NEK4: variants seen among roughly 807,000 people sequenced by gnomAD.
The protein encoded by NEK4 is serine/threonine-protein kinase Nek4.
A neutral mutation model predicts 98.4 loss-of-function variants in NEK4; 86 were observed. That is an observed-to-expected ratio of 0.87 (90% confidence interval 0.73 to 1.05). The LOEUF (loss-of-function observed/expected upper bound fraction) is 1.05, where lower values mean the gene tolerates loss of function less well. NEK4 is among the 50% of genes least tolerant of loss of function. The pLI is 0.00. For missense variants in NEK4, 898 were observed against 950.3 expected (o/e 0.94, Z 0.72); for synonymous variants, 328 against 342.2 (o/e 0.96, Z 0.46).
At chr3:52,730,275 G>T (rs2097368359) in intron 15 of NEK4, among the ~76,000 whole-genome samples, 1 of 152,150 alleles carries the variant, frequency 6.6e-6, no homozygotes, top group Non-Finnish European at 1.5e-5. Context: ...ACTAGTGTAA[G>T]GAGAATGAAT....
chr3:52,758,284 G>C lies in NEK4; in HGVS notation c.963+2511C>G, dbSNP rs564763314. On this transcript the variant is annotated intron_variant, in intron 6 of 15. Coordinates refer to ENST00000233027, the MANE Select transcript of NEK4 (RefSeq NM_003157.6). ...GGGGAGATACTGTTTAATGGTAACA[G>C]AGTTCAGTTTTACAATATGAGAGTT... 3.3e-5 allele frequency among the ~76,000 whole-genome samples: 5 copies of C among 151,710 alleles called. No individual in the cohort carries two copies. In the South Asian group the frequency reaches 1.0e-3, roughly 32 times the overall value.
intron 15 of NEK4, among the ~76,000 whole-genome samples, chr3:52,736,455 G>A (rs1385412751): frequency 1.3e-5 from 2 of 151,960 alleles, no homozygotes; most frequent in African/African-American, 2.4e-5. Context: ...GCGTGGTGGT[G>A]GGCACCTGTA....
chr3:52,733,349 G>T, intron 15 of NEK4: 1 of 370,848 alleles, frequency 2.7e-6, no homozygotes. Context: ...AATTCATCCT[G>T]GAGAGAGGCC....
At chr3:52,742,411 G>A (rs900844799) in intron 12 of NEK4, among the ~76,000 whole-genome samples, 4 of 151,956 alleles carry the variant, frequency 2.6e-5, no homozygotes, top group Non-Finnish European at 5.9e-5. Context: ...GTGCTTTAAA[G>A]GATCACCTAA....
At position 52,714,826 on chromosome 3, in the gene NEK4, C is replaced by T. The variant is rs528332880; in HGVS notation, c.2434-2957G>A. 3.3e-5 allele frequency among the ~76,000 whole-genome samples: 5 copies of T among 152,340 alleles called. No individual in the cohort carries two copies. The South Asian group carries it at 6.2e-4, about 19-fold the overall frequency. On this transcript the variant is annotated intron_variant, in intron 15 of 15. Coordinates refer to ENST00000233027, the MANE Select transcript of NEK4 (RefSeq NM_003157.6). ...CCCACCCCCAGCTCCAATCTCAGAG[C>T]GGGGTAAGCCCAGGCGCGGTCAAAG...
rs1376395270 is a variant in NEK4 at position 52,710,127 on chromosome 3, C to A, written c.*1650G>T. 1 of 152,136 alleles carries A rather than the reference C, an allele frequency of 6.6e-6. No homozygotes were observed. The highest frequency in any genetic ancestry group is 1.5e-5 in the Non-Finnish European group (1 of 68,060). The allele number at this position is 152,136 out of a possible 1,614,324, so 9.4% of individuals were successfully genotyped here. A position where few individuals can be genotyped will look rare whatever the true frequency, so the allele number is the denominator to read the frequency against. On this transcript the variant is annotated 3_prime_UTR_variant, in exon 16 of 16. Transcript: ENST00000233027. ...CCTGTAATCCCAGCACTTTGGGAGG[C>A]CGAGGCGGGCAGATCACGAGGTCAG...
chr3:52,754,335 C>T (rs1229308661), intron 6 of NEK4: 1 of 376,064 alleles, frequency 2.7e-6, no homozygotes, highest in African/African-American at 2.1e-5. Context: ...GGAATCATAA[C>T]CAAATTTGGC....
chr3:52,717,209 C>A (rs929222259), intron 15 of NEK4, among the ~76,000 whole-genome samples: 1 of 151,854 alleles, frequency 6.6e-6, no homozygotes, highest in Non-Finnish European at 1.5e-5. Flanking sequence ...GAGTTTGAGA[C>A]CCAGCCTGGC....
At chr3:52,766,100 C>A (rs1336677554) in intron 3 of NEK4, 78 bp downstream of exon 3, 5 of 1,472,128 alleles carry the variant, frequency 3.4e-6, no homozygotes, top group Admixed American at 1.9e-5. Context: ...ATAGATAATT[C>A]TCTGACTTAA....
At position 52,715,553 on chromosome 3, in the gene NEK4, A is replaced by AT. The variant is rs1052632872; in HGVS notation, c.2434-3685dup. Among the ~76,000 whole-genome samples, 58 of 151,944 alleles carry AT rather than the reference A, an allele frequency of 3.8e-4. 1 individual carries two copies. Among genetic ancestry groups the AT allele is most frequent in the Admixed American group, 3.7e-3 (57 of 15,258 alleles). On this transcript the variant is annotated intron_variant, in intron 15 of 15. Coordinates refer to ENST00000233027, the MANE Select transcript of NEK4 (RefSeq NM_003157.6). ...AGGCACATGCCATCAGGCCCAGCTA[A>AT]TTTTTTTTGGTATTTTTAGTAGAGA...
At chr3:52,732,590 G>A (rs2268027) in intron 15 of NEK4, 105,883 of 292,552 alleles carry the variant, frequency 0.36, 20,969 homozygotes, top group Admixed American at 0.5. Context: ...CTTACTCAGC[G>A]TCACTTGACA....
At chr3:52,746,605 T>C (rs903104324) in intron 9 of NEK4, 129 bp downstream of exon 9, 2 of 786,808 alleles carry the variant, frequency 2.5e-6, no homozygotes, top group Non-Finnish European at 4.1e-6. Flanking sequence ...ATTTAGCATC[T>C]TGCCATTGTC....
At chr3:52,730,403 G>A (rs1453730115) in intron 15 of NEK4, among the ~76,000 whole-genome samples, 3 of 152,212 alleles carry the variant, frequency 2.0e-5, no homozygotes, top group Non-Finnish European at 4.4e-5. Context: ...CCAGAGAGTT[G>A]AGGAGGAAGG....
rs770471528 is a variant in NEK4, at chr3:52,737,536, TA to T, written c.2433+49del. On this transcript the variant is annotated intron_variant, in intron 15 of 15. Transcript: ENST00000233027. ...GTGATTTATATTTCAAAAGGTTGTT[TA>T]AAAAATTCTATAACATAAGCATCTT... is the stretch of plus-strand genomic sequence containing the variant. 18 of 1,596,180 alleles carry T rather than the reference TA, an allele frequency of 1.1e-5. No homozygotes were observed. In the South Asian group the frequency reaches 1.4e-4, roughly 13 times the overall value.
At chr3:52,721,162 A>G (rs769495502) in intron 15 of NEK4, among the ~76,000 whole-genome samples, 29 of 152,340 alleles carry the variant, frequency 1.9e-4, no homozygotes, top group Non-Finnish European at 4.0e-4. Context: ...AGCAGCTTGC[A>G]TGCTGCTTGC....
At chr3:52,734,452 CAAA>C (rs76013023) in intron 15 of NEK4, among the ~76,000 whole-genome samples, 2 of 100,598 alleles carry the variant, frequency 2.0e-5, no homozygotes, top group African/African-American at 3.8e-5. Context: ...GACTCCAACT[CAAA>C]AAAAAAAAAA....
intron 6 of NEK4, among the ~76,000 whole-genome samples, chr3:52,752,858 C>T (rs1002412065): frequency 2.1e-5 from 3 of 143,540 alleles, no homozygotes; most frequent in African/African-American, 5.2e-5. Flanking sequence ...CGAGAGCCCG[C>T]CACTGCACTC....
In NEK4 at chr3:52,711,811, T is replaced by C; in HGVS notation, c.2492A>G (p.Gln831Arg). 1 of 1,611,138 alleles carries C rather than the reference T, an allele frequency of 6.2e-7. No homozygotes were observed. Among genetic ancestry groups the C allele is most frequent in the Non-Finnish European group, 8.5e-7 (1 of 1,178,164 alleles). ...CATGTTTTCTTCAAAAAATTTCAAC[T>C]GGCGAGCTTTCACACTGTAAGTTGT... ...KYTTYSVKAR[Q>R]LKFFEENMNF The change falls in exon 16 of 16, where the codon CAG becomes CGG. Residue 831 changes from glutamine (Q) to arginine (R), a missense_variant. Gln to Arg is a conservative substitution (Grantham distance 43). Coordinates refer to ENST00000233027, the MANE Select transcript of NEK4 (RefSeq NM_003157.6).
intron 14 of NEK4, 116 bp downstream of exon 14, chr3:52,739,313 C>G (rs1238390): frequency 2.6e-6 from 2 of 770,552 alleles, no homozygotes; most frequent in Non-Finnish European, 4.4e-6. Flanking sequence ...GCAGGAGAAT[C>G]GCTTGAACCC....
Sources: gnomAD v4.1 joint callset for allele counts (sites outside exome capture counted in the v4.1 genomes callset) on GRCh38, gnomAD v4.1.1 for gene constraint, MANE v1.5 for transcripts, NCBI Gene and HGNC (gene_info 2026-07-23, HGNC 2026-07-21) for gene names.